Variants in ATR observed in about 807,000 individuals in gnomAD.
ATR encodes the protein serine/threonine-protein kinase ATR.
A neutral mutation model predicts 305.3 loss-of-function variants in ATR; 142 were observed. The ratio of observed to expected loss-of-function variants is 0.47; its 90% confidence interval spans 0.41 to 0.53. The LOEUF is 0.53. Ranked by LOEUF, ATR falls within the 20% of genes least tolerant of loss-of-function variation. The probability of loss-of-function intolerance (pLI) is 0.00; values close to 1 mark genes in which losing one functional copy is unlikely to be tolerated. For synonymous variants in ATR, 1,050 were observed against 1,068.1 expected (o/e 0.98, Z 0.33); for missense variants, 2,135 against 3,133.1 (o/e 0.68, Z 7.60).
chr3:142,459,182 A>G (rs1315459665), intron 43 of ATR, 45 bp downstream of exon 43: 1 of 1,612,656 alleles, frequency 6.2e-7, no homozygotes, highest in Non-Finnish European at 8.5e-7. Context: ...AATATTAAAA[A>G]TAAACATTCA....
intron 36 of ATR, among the ~76,000 whole-genome samples, chr3:142,483,895 G>A (rs964747274): frequency 7.4e-5 from 11 of 149,052 alleles, no homozygotes; most frequent in Non-Finnish European, 1.2e-4. Flanking sequence ...ATATAACCAC[G>A]AAATATGACA....
chr3:142,528,397 T>C (rs2033486000), intron 21 of ATR, among the ~76,000 whole-genome samples: 1 of 152,186 alleles, frequency 6.6e-6, no homozygotes, highest in Admixed American at 6.5e-5. Flanking sequence ...AGCATATTCA[T>C]AACTATTAAA....
At chr3:142,544,279 A>C (rs1221192855) in intron 16 of ATR, among the ~76,000 whole-genome samples, 1 of 151,294 alleles carries the variant, frequency 6.6e-6, no homozygotes, top group Non-Finnish European at 1.5e-5. Context: ...GTAACATGGC[A>C]AAACCCCATC....
chr3:142,512,212 T>C (rs755259860), intron 27 of ATR, 48 bp downstream of exon 27: 5 of 1,418,470 alleles, frequency 3.5e-6, no homozygotes, highest in East Asian at 2.3e-5. Flanking sequence ...AGCTAATTGG[T>C]GAATAGCTAA....
In ATR at chr3:142,576,355, G is replaced by A. The variant is rs1577727652; in HGVS notation, c.59+2291C>T. Reference sequence around the variant, plus strand: ...AGTAAGCAACCTAATATATATCTCCGATCTAGAAATATAAATTTGGGAGTT... The same window carrying A: ...AGTAAGCAACCTAATATATATCTCCAATCTAGAAATATAAATTTGGGAGTT... On this transcript the variant is annotated intron_variant, in intron 1 of 46. Coordinates refer to ENST00000350721, the MANE Select transcript of ATR (RefSeq NM_001184.4). 3.9e-5 allele frequency among the ~76,000 whole-genome samples: 6 copies of A among 152,194 alleles called. No individual in the cohort carries two copies. The South Asian group carries it at 6.2e-4, about 16-fold the overall frequency.
intron 1 of ATR, among the ~76,000 whole-genome samples, chr3:142,568,420 T>C (rs1187785804): frequency 6.6e-6 from 1 of 152,220 alleles, no homozygotes; most frequent in African/African-American, 2.4e-5. Context: ...TACAAGTAAC[T>C]AGGGAGAACT....
Position 142,497,143 on chromosome 3 carries a change from G to A in ATR, c.5608C>T (p.His1870Tyr), listed in dbSNP as rs751514043. 1.2e-6 allele frequency: 2 copies of A among 1,614,072 alleles called. No individual in the cohort carries two copies. The highest frequency in any genetic ancestry group is 2.2e-5 in the South Asian group (2 of 91,078). ...LEHSIKPLFQ[H>Y]SPGDSSQEDS... ...TCTTGAGAACTGTCACCTGGAGAATGCTGGAAAAGTGGTTTGATGCTATGC... is the reference window on the plus strand; with the variant it reads ...TCTTGAGAACTGTCACCTGGAGAATACTGGAAAAGTGGTTTGATGCTATGC... The change falls in exon 33 of 47, where the codon CAT becomes TAT. Residue 1870 changes from histidine (H) to tyrosine (Y), a missense_variant. Coordinates refer to ENST00000350721, the MANE Select transcript of ATR (RefSeq NM_001184.4).
chr3:142,564,901 G>A (rs1186415693), intron 3 of ATR, among the ~76,000 whole-genome samples: 1 of 151,990 alleles, frequency 6.6e-6, no homozygotes, highest in African/African-American at 2.4e-5. Context: ...ACAGGCATGT[G>A]CCACCATGTT....
At chr3:142,550,339 A>G (rs772690739) in intron 13 of ATR, 37 bp from the exon 14 acceptor site, 1 of 1,598,846 alleles carries the variant, frequency 6.3e-7, no homozygotes, top group Non-Finnish European at 8.6e-7. Context: ...GTTTTCACAC[A>G]AAGAAGAAAT....
intron 35 of ATR, among the ~76,000 whole-genome samples, chr3:142,486,421 C>T (rs1178693692): frequency 6.6e-6 from 1 of 152,086 alleles, no homozygotes; most frequent in Non-Finnish European, 1.5e-5. Flanking sequence ...TCTTTCCTTC[C>T]TTTCTTCTTT....
At chr3:142,484,264 C>G (rs536249451) in intron 36 of ATR, among the ~76,000 whole-genome samples, 45 of 152,334 alleles carry the variant, frequency 3.0e-4, no homozygotes, top group African/African-American at 1.1e-3. Flanking sequence ...TCTGAACAGA[C>G]AGACCTTGCT....
At chr3:142,576,084 G>A (rs547278896) in intron 1 of ATR, among the ~76,000 whole-genome samples, 58 of 152,298 alleles carry the variant, frequency 3.8e-4, no homozygotes, top group African/African-American at 1.3e-3. Flanking sequence ...AATAGTTCAG[G>A]TAAGAAATTC....
chr3:142,481,187 G>T (rs1050701234), intron 36 of ATR, among the ~76,000 whole-genome samples: 2 of 152,208 alleles, frequency 1.3e-5, no homozygotes, highest in Non-Finnish European at 2.9e-5. Context: ...CTCATGCTGG[G>T]AGCTGTAGAC....
rs2071168591 is a variant in ATR, at chr3:142,467,946, C to G, written c.6675G>C (p.Leu2225Phe). ...ATTATGATAGTACCGGTTTATTGCACAATTCTAGAAGCTTATCTGTTAGGC... is the reference window on the plus strand; with the variant it reads ...ATTATGATAGTACCGGTTTATTGCAGAATTCTAGAAGCTTATCTGTTAGGC... ...ATRLTDKLLE[L>F]CNKPVDGSSS... Residue 2225 changes from leucine to phenylalanine, a missense_variant, in exon 39 of 47, where the codon TTG becomes TTC. By Grantham distance (22) the Leu-to-Phe change is conservative. Around this residue, in one of 9 missense-constraint regions of ATR, gnomAD observed 462 missense variants for 887.6 expected, o/e 0.52. Coordinates refer to ENST00000350721, the MANE Select transcript of ATR (RefSeq NM_001184.4). 1 of 1,612,664 alleles carries G rather than the reference C, an allele frequency of 6.2e-7. No homozygotes were observed. The highest frequency in any genetic ancestry group is 8.5e-7 in the Non-Finnish European group (1 of 1,179,366).
At chr3:142,524,469 C>CA (rs1007316189) in intron 21 of ATR, among the ~76,000 whole-genome samples, 3 of 151,948 alleles carry the variant, frequency 2.0e-5, no homozygotes, top group Non-Finnish European at 2.9e-5. Context: ...TATCAATATA[C>CA]AAAAAATCAG....
intron 32 of ATR, 26 bp downstream of exon 32, chr3:142,498,571 A>G (rs979200623): frequency 6.2e-7 from 1 of 1,608,952 alleles, no homozygotes; most frequent in African/African-American, 1.3e-5. Flanking sequence ...TAGGCCAGAA[A>G]TATAAAAATG....
intron 42 of ATR, 40 bp downstream of exon 42, chr3:142,461,900 A>C: frequency 6.3e-7 from 1 of 1,582,404 alleles, no homozygotes; most frequent in Non-Finnish European, 8.7e-7. Context: ...TATATAACTT[A>C]GTACCCACAC....
In ATR at chr3:142,562,372, CT is replaced by C; in HGVS notation, c.1029del (p.Ala344GlnfsTer29). 6.2e-7 allele frequency: 1 copy of C among 1,614,120 alleles called. No homozygotes were observed. The highest frequency in any genetic ancestry group is 8.5e-7 in the Non-Finnish European group (1 of 1,179,996). On this transcript the variant is annotated frameshift_variant, in exon 4 of 47. Coordinates refer to ENST00000350721, the MANE Select transcript of ATR (RefSeq NM_001184.4). LOFTEE classifies it high-confidence loss of function. ...VLMRLKSDLL[K>X]AALCHLLQYF... ...TACTGCAGTAAATGGCACAAAGCTG[CT>C]TTTAGCAAATCAGACTTAAGCCGCA...
intron 21 of ATR, among the ~76,000 whole-genome samples, chr3:142,530,669 G>C (rs912340528): frequency 6.6e-6 from 1 of 152,030 alleles, no homozygotes; most frequent in East Asian, 1.9e-4. Context: ...GTTCATCTCT[G>C]ATTTTGTACA....
Sources: allele counts gnomAD v4.1 joint callset (sites outside exome capture counted in the v4.1 genomes callset), GRCh38; gene constraint gnomAD v4.1.1; regional missense constraint gnomAD v4.1.1; transcripts MANE v1.5; gene names NCBI Gene and HGNC (gene_info 2026-07-23, HGNC 2026-07-21).